PTPRD: variants seen among roughly 807,000 people sequenced by gnomAD.
The protein encoded by PTPRD is protein tyrosine phosphatase receptor type D.
Under a neutral mutation model 214.5 loss-of-function variants are expected in PTPRD, and 34 were observed. The observed-to-expected ratio is 0.16, with a 90% CI of 0.12 to 0.21. PTPRD has a LOEUF of 0.21. Among genes scored for constraint, PTPRD ranks in the 10% least tolerant of loss-of-function variants. The pLI is 1.00. For missense variants in PTPRD, 2,545 were observed against 2,398.7 expected, an observed-to-expected ratio of 1.06 and a Z score of -1.27; for synonymous variants, 1,128 against 845.7, an observed-to-expected ratio of 1.33 and a Z score of -5.79.
intron 5 of PTPRD, among the ~76,000 whole-genome samples, chr9:9,786,006 T>C (rs989468124): frequency 2.0e-5 from 3 of 152,230 alleles, no homozygotes; most frequent in Admixed American, 2.0e-4. Context: ...AATTATTCAC[T>C]ATCCTGGTTT....
At chr9:8,575,834 T>A (rs1418839619) in intron 14 of PTPRD, among the ~76,000 whole-genome samples, 2 of 152,198 alleles carry the variant, frequency 1.3e-5, no homozygotes, top group Non-Finnish European at 2.9e-5. Context: ...TTAACTACAG[T>A]ACCTACCATG....
rs1232834205 is a variant in PTPRD, at chr9:9,912,011, A to G, written c.-368+26496T>C. Among the ~76,000 whole-genome samples the G allele has an allele frequency of 2.6e-5, 4 of 152,258 alleles. No homozygotes were observed. The East Asian group carries it at 7.7e-4, about 29-fold the overall frequency. On this transcript the variant is annotated intron_variant, in intron 5 of 45. Transcript: ENST00000381196. ...TTAATAATGTTTATTTATTAATTTG[A>G]GAATGTCAATCAAGAATAAGAAAAA... is the stretch of plus-strand genomic sequence containing the variant.
chr9:10,037,580 G>A (rs73641815), intron 3 of PTPRD, among the ~76,000 whole-genome samples: 1,680 of 82,944 alleles, frequency 0.02, 26 homozygotes, highest in East Asian at 0.14. Flanking sequence ...TATAGCAGTG[G>A]AAAAAAAAAA....
At chr9:8,507,262 A>C in intron 22 of PTPRD, 39 bp downstream of exon 22, 2 of 1,593,154 alleles carry the variant, frequency 1.3e-6, no homozygotes, top group Middle Eastern at 1.7e-4. Context: ...GGCCCCACGT[A>C]ATGAATAATT....
chr9:8,639,289 T>C (rs192668252), intron 12 of PTPRD, among the ~76,000 whole-genome samples: 11 of 152,366 alleles, frequency 7.2e-5, no homozygotes, highest in East Asian at 5.8e-4. Context: ...TAATAACTAC[T>C]TGCTTGTCAG....
At position 9,745,380 on chromosome 9, in the gene PTPRD, G is replaced by C. The variant is rs2761700; in HGVS notation, c.-325-10809C>G. Among the ~76,000 whole-genome samples, 4 of 151,814 alleles carry C rather than the reference G, an allele frequency of 2.6e-5. No homozygotes were observed. In the South Asian group the frequency reaches 8.3e-4, roughly 32 times the overall value. ...TTCCTAGAAGTGAAATGAAGGCTTC[G>C]GTCCCACCAGAGAGGCAAGTAGCAC... On this transcript the variant is annotated intron_variant, in intron 6 of 45. Coordinates refer to ENST00000381196, the MANE Select transcript of PTPRD (RefSeq NM_002839.4).
chr9:9,385,891 A>C (rs2063722271), intron 9 of PTPRD, among the ~76,000 whole-genome samples: 1 of 152,164 alleles, frequency 6.6e-6, no homozygotes, highest in Non-Finnish European at 1.5e-5. Context: ...CTATGACTCC[A>C]GTCTTATGTT....
intron 2 of PTPRD, among the ~76,000 whole-genome samples, chr9:10,565,623 T>C (rs1035962333): frequency 3.3e-5 from 5 of 152,116 alleles, no homozygotes; most frequent in African/African-American, 1.2e-4. Flanking sequence ...CTTTGGATAA[T>C]GTATAACAAC....
At chr9:8,951,138 A>AGTGTATGTGTGTGT (rs1555583301) in intron 11 of PTPRD, among the ~76,000 whole-genome samples, 1 of 147,124 alleles carries the variant, frequency 6.8e-6, no homozygotes, top group Non-Finnish European at 1.5e-5. Context: ...TAGGAAAAAG[A>AGTGTATGTGTGTGT]GTGTGTGTGT....
chr9:9,325,949 A>T (rs1969884197), intron 9 of PTPRD, among the ~76,000 whole-genome samples: 1 of 152,076 alleles, frequency 6.6e-6, no homozygotes, highest in Non-Finnish European at 1.5e-5. Context: ...TATTGAGATA[A>T]TCATGTGTTT....
intron 11 of PTPRD, among the ~76,000 whole-genome samples, chr9:8,940,696 C>G (rs1027775204): frequency 6.6e-6 from 1 of 151,952 alleles, no homozygotes; most frequent in Non-Finnish European, 1.5e-5. Context: ...GGTTGACCTG[C>G]TGGTTGGAGA....
At chr9:8,366,000 A>G (rs1369995926) in intron 39 of PTPRD, among the ~76,000 whole-genome samples, 1 of 152,216 alleles carries the variant, frequency 6.6e-6, no homozygotes, top group Non-Finnish European at 1.5e-5. Context: ...GTAGGTAGCA[A>G]TGCTAACTGA....
chr9:9,354,231 T>C (rs2052716722), intron 9 of PTPRD, among the ~76,000 whole-genome samples: 1 of 151,856 alleles, frequency 6.6e-6, no homozygotes, highest in Non-Finnish European at 1.5e-5. Flanking sequence ...TGATAATGAC[T>C]GTTCCATCAT....
chr9:9,308,355 A>G (rs1957795624), intron 9 of PTPRD, among the ~76,000 whole-genome samples: 1 of 152,234 alleles, frequency 6.6e-6, no homozygotes, highest in Admixed American at 6.5e-5. Context: ...TACAGATATG[A>G]GAATTGCAAG....
intron 34 of PTPRD, among the ~76,000 whole-genome samples, chr9:8,442,645 A>T (rs1046439505): frequency 1.3e-5 from 2 of 152,180 alleles, no homozygotes; most frequent in African/African-American, 2.4e-5. Flanking sequence ...AGAAAGAGAA[A>T]ATTCATTCAT....
intron 12 of PTPRD, among the ~76,000 whole-genome samples, chr9:8,722,985 T>G (rs72702307): frequency 2.9e-3 from 436 of 152,292 alleles, no homozygotes; most frequent in Non-Finnish European, 4.0e-3. Context: ...ATGCACTATT[T>G]GTGGAAAAAT....
chr9:9,384,565 A>G (rs922838895), intron 9 of PTPRD, among the ~76,000 whole-genome samples: 1 of 151,450 alleles, frequency 6.6e-6, no homozygotes, highest in Non-Finnish European at 1.5e-5. Flanking sequence ...CACTTGTAAC[A>G]ACTTTTCTAA....
chr9:9,253,485 T>C (rs2099976306), intron 9 of PTPRD, among the ~76,000 whole-genome samples: 1 of 138,970 alleles, frequency 7.2e-6, no homozygotes, highest in Admixed American at 7.6e-5. Flanking sequence ...ATTTTTGAGC[T>C]TGACTGCACT....
chr9:10,133,379 A>G (rs1460696138), intron 3 of PTPRD, among the ~76,000 whole-genome samples: 1 of 152,198 alleles, frequency 6.6e-6, no homozygotes, highest in East Asian at 1.9e-4. Flanking sequence ...GTTGTGTCCA[A>G]TGTTTAACTC....
Sources: gnomAD v4.1 joint callset for allele counts (sites outside exome capture counted in the v4.1 genomes callset) on GRCh38, gnomAD v4.1.1 for gene constraint, MANE v1.5 for transcripts, NCBI Gene and HGNC (gene_info 2026-07-23, HGNC 2026-07-21) for gene names.